The following STK3 variants were observed in gnomAD, a reference collection of about 807,000 sequenced individuals.
The protein encoded by STK3 is serine/threonine-protein kinase 3.
In STK3, 41 loss-of-function variants were observed where a neutral mutation model predicts 58.0. The ratio of observed to expected loss-of-function variants is 0.71; its 90% CI spans 0.55 to 0.92. The LOEUF (loss-of-function observed/expected upper bound fraction) is 0.92, where lower values mean the gene tolerates loss of function less well. Ranked by LOEUF, STK3 falls within the 40% of genes least tolerant of loss-of-function variation. The probability of loss-of-function intolerance (pLI) is 0.00; values close to 1 mark genes in which losing one functional copy is unlikely to be tolerated. For missense variants in STK3, 479 were observed against 602.7 expected (o/e 0.79, Z 2.15); for synonymous variants, 170 against 191.0 (o/e 0.89, Z 0.91).
At chr8:98,617,092 C>T (rs907496181) in intron 6 of STK3, among the ~76,000 whole-genome samples, 2 of 151,026 alleles carry the variant, frequency 1.3e-5, no homozygotes, top group South Asian at 4.2e-4. Context: ...TGTAAAAGAA[C>T]AGAAATTATA....
intron 3 of STK3, among the ~76,000 whole-genome samples, chr8:98,404,549 G>A (rs547408832): frequency 5.9e-5 from 9 of 152,098 alleles, no homozygotes; most frequent in East Asian, 3.9e-4. Flanking sequence ...GCACGGTGGC[G>A]GATGCCTGTA....
chr8:98,636,099 A>G (rs1013663145), intron 6 of STK3, among the ~76,000 whole-genome samples: 1 of 152,142 alleles, frequency 6.6e-6, no homozygotes, highest in Non-Finnish European at 1.5e-5. Flanking sequence ...TGATAATAAT[A>G]TCAATTAACT....
intron 3 of STK3, among the ~76,000 whole-genome samples, chr8:98,756,379 G>A (rs1175977491): frequency 3.3e-5 from 5 of 152,108 alleles, no homozygotes; most frequent in African/African-American, 7.2e-5. Flanking sequence ...AAAGATTAGC[G>A]GGCCCAGGAT....
In STK3 at chr8:98,707,242, T is replaced by C. The variant is rs1383186928; in HGVS notation, c.421A>G (p.Arg141Gly). 4.4e-6 allele frequency: 7 copies of C among 1,605,198 alleles called. No individual in the cohort carries two copies. The highest frequency in any genetic ancestry group is 6.0e-6 in the Non-Finnish European group (7 of 1,175,522). Residue 141 changes from arginine (R) to glycine (G), a missense_variant, in exon 5 of 11, where the codon AGA becomes GGA. Physicochemically the swap from Arg to Gly is moderately radical, Grantham distance 125. This residue lies in a region of STK3 where 126 missense variants were observed against 210.1 expected (regional missense o/e 0.60). Coordinates refer to ENST00000419617, the MANE Select transcript of STK3 (RefSeq NM_006281.4). ...LKGLEYLHFM[R>G]KIHRDIKAGN... is the part of the protein sequence containing the mutation. ...GCTTTTATATCTCTGTGTATTTTTC[T>C]CATAAAGTGCAAATATTCTAGTCCT...
chr8:98,623,436 T>C (rs985615727), intron 6 of STK3, among the ~76,000 whole-genome samples: 2 of 152,172 alleles, frequency 1.3e-5, no homozygotes, highest in African/African-American at 4.8e-5. Context: ...TAATCCAATA[T>C]GACTTGTGTC....
intron 7 of STK3, 51 bp from the exon 8 acceptor site, chr8:98,579,840 T>G: frequency 6.8e-7 from 1 of 1,480,344 alleles, no homozygotes; most frequent in Non-Finnish European, 9.0e-7. Context: ...TTCCGAATTA[T>G]AGCTAACAAA....
At chr8:98,597,077 T>C (rs943114651) in intron 6 of STK3, among the ~76,000 whole-genome samples, 3 of 152,128 alleles carry the variant, frequency 2.0e-5, no homozygotes, top group African/African-American at 7.2e-5. Context: ...AATATTGTTT[T>C]GGAGAGGTGA....
At chr8:98,908,681 AAAAAC>A (rs1029158388) in intron 1 of STK3, among the ~76,000 whole-genome samples, 21 of 152,002 alleles carry the variant, frequency 1.4e-4, no homozygotes, top group African/African-American at 4.8e-4. Context: ...TGTCTCTACT[AAAAAC>A]ACAAAAATTA....
At chr8:98,619,651 C>G (rs1249301061) in intron 6 of STK3, among the ~76,000 whole-genome samples, 16 of 121,172 alleles carry the variant, frequency 1.3e-4, no homozygotes, top group African/African-American at 4.7e-4. Flanking sequence ...AAAAAGTGGG[C>G]GAAGGACATG....
intron 3 of STK3, among the ~76,000 whole-genome samples, chr8:98,414,220 T>C (rs1372096853): frequency 6.6e-6 from 1 of 152,102 alleles, no homozygotes; most frequent in Non-Finnish European, 1.5e-5. Flanking sequence ...GCCAAGATCG[T>C]GCCACTGCAC....
chr8:98,846,607 C>A (rs1485352668), intron 3 of STK3, among the ~76,000 whole-genome samples: 2 of 152,090 alleles, frequency 1.3e-5, no homozygotes, highest in Non-Finnish European at 2.9e-5. Context: ...TAGCTCCAAG[C>A]GTATAGGTTA....
At chr8:98,348,901 C>T in the STK3 span, among the ~76,000 whole-genome samples, 1 of 152,204 alleles carries the variant, frequency 6.6e-6, no homozygotes, top group Non-Finnish European at 1.5e-5. Context: ...ATAATGCTCC[C>T]TGGTATTTAC....
intron 3 of STK3, among the ~76,000 whole-genome samples, chr8:98,394,728 C>A (rs566207441): frequency 1.3e-5 from 2 of 152,264 alleles, no homozygotes; most frequent in African/African-American, 4.8e-5. Flanking sequence ...ATTCTTTGTA[C>A]ACATGAAGAA....
chr8:98,518,505 G>A (rs1242348477), intron 10 of STK3, among the ~76,000 whole-genome samples: 5 of 152,088 alleles, frequency 3.3e-5, no homozygotes, highest in Non-Finnish European at 5.9e-5. Context: ...TGCTTTTACC[G>A]AAGAATCAAT....
chr8:98,928,680 C>A (rs1315098814), intron 1 of STK3, among the ~76,000 whole-genome samples: 1 of 151,134 alleles, frequency 6.6e-6, no homozygotes, highest in East Asian at 1.9e-4. Context: ...AAGCACCATT[C>A]TTTTCTTCTC....
At chr8:98,408,264 T>C (rs1483796360) in intron 3 of STK3, among the ~76,000 whole-genome samples, 1 of 152,152 alleles carries the variant, frequency 6.6e-6, no homozygotes, top group Non-Finnish European at 1.5e-5. Flanking sequence ...TTAAATAACA[T>C]TTGTGAATTC....
At chr8:98,713,073 T>C (rs1299790996) in intron 4 of STK3, among the ~76,000 whole-genome samples, 1 of 152,298 alleles carries the variant, frequency 6.6e-6, no homozygotes, top group South Asian at 2.1e-4. Context: ...ATAAAGATGT[T>C]CTTTGAAACC....
chr8:98,450,801 A>G (rs895592595), downstream of STK3, among the ~76,000 whole-genome samples: 3 of 152,196 alleles, frequency 2.0e-5, no homozygotes, highest in Admixed American at 1.3e-4. Context: ...CTGAAATGTG[A>G]AAGAGGTAAA....
chr8:98,682,154 C>G (rs182553763), intron 6 of STK3, among the ~76,000 whole-genome samples: 1 of 152,148 alleles, frequency 6.6e-6, no homozygotes, highest in African/African-American at 2.4e-5. Context: ...GTTCAAGAAG[C>G]TTGTGAAGTT....
Sources: allele counts gnomAD v4.1 joint callset (sites outside exome capture counted in the v4.1 genomes callset), GRCh38; gene constraint gnomAD v4.1.1; regional missense constraint gnomAD v4.1.1; transcripts MANE v1.5; gene names NCBI Gene and HGNC (gene_info 2026-07-23, HGNC 2026-07-21).